The following GINS4 variants were observed in gnomAD, a reference collection of about 807,000 sequenced individuals.
GINS4 encodes the protein DNA replication complex GINS protein SLD5.
Under a neutral mutation model 31.1 loss-of-function variants are expected in GINS4, and 20 were observed. That is an observed-to-expected ratio of 0.64 (90% CI 0.45 to 0.93). The LOEUF (loss-of-function observed/expected upper bound fraction) is 0.93. Ranked by LOEUF, GINS4 falls within the 40% of genes least tolerant of loss-of-function variation. GINS4 has a pLI of 0.00. For missense variants in GINS4, 245 were observed against 273.9 expected (o/e 0.89, Z 0.75); for synonymous variants, 85 against 97.9 (o/e 0.87, Z 0.78).
At position 41,541,832 on chromosome 8, in the gene GINS4, T is replaced by C; in HGVS notation, c.508T>C (p.Tyr170His). The change falls in exon 7 of 8, where the codon TAC becomes CAC. Residue 170 changes from tyrosine (Y) to histidine (H), a missense_variant. Transcript: ENST00000276533. Reference protein sequence around the residue: ...RAVPKPDLDSYVFLRVRERQE... With the variant: ...RAVPKPDLDSHVFLRVRERQE... Reference sequence around the variant, plus strand: ...AGTTCCCAAACCAGATCTAGATTCTTACGTGTTTCTGAGAGTGAGAGAACG... The same window carrying C: ...AGTTCCCAAACCAGATCTAGATTCTCACGTGTTTCTGAGAGTGAGAGAACG... 1 of 1,614,118 alleles carries C rather than the reference T, an allele frequency of 6.2e-7. No individual in the cohort carries two copies. Among genetic ancestry groups the C allele is most frequent in the Non-Finnish European group, 8.5e-7 (1 of 1,179,944 alleles).
At chr8:41,541,721 G>A (rs1209213599) in intron 6 of GINS4, 88 bp from the exon 7 acceptor site, 3 of 966,454 alleles carry the variant, frequency 3.1e-6, no homozygotes, top group Non-Finnish European at 4.9e-6. Context: ...TAAACCCTGA[G>A]TGTGCCATAC....
rs949343404 is a variant in GINS4, at chr8:41,544,112, G to C, written c.*2025G>C. The C allele has an allele frequency of 6.6e-6, 1 of 152,362 alleles. No homozygotes were observed. Among genetic ancestry groups the C allele is most frequent in the Non-Finnish European group, 1.5e-5 (1 of 68,088 alleles). The allele number at this position is 152,362 out of a possible 1,614,324, so 9.4% of individuals were successfully genotyped here. On this transcript the variant is annotated 3_prime_UTR_variant, in exon 8 of 8. Coordinates refer to ENST00000276533, the MANE Select transcript of GINS4 (RefSeq NM_032336.3). Reference sequence around the variant, plus strand: ...GCTGAGATCTGATTAACAGGAGGCAGCTGCAGTGCAGAGGTCAAAAGGGAG... The same window carrying C: ...GCTGAGATCTGATTAACAGGAGGCACCTGCAGTGCAGAGGTCAAAAGGGAG...
Position 41,536,443 on chromosome 8 carries a change from C to T in GINS4, c.180C>T (p.His60=), listed in dbSNP as rs1443169360. The change falls in exon 3 of 8, where the codon CAC becomes CAT. Residue 60 remains histidine (H), a synonymous_variant. Coordinates refer to ENST00000276533, the MANE Select transcript of GINS4 (RefSeq NM_032336.3). ...IVECVMEQLE[H]MEENLRRAKR... is the part of the protein sequence containing the mutation. The stretch of plus-strand genomic sequence containing the variant: ...AATGTGTCATGGAACAGCTGGAGCA[C>T]ATGGTAAGAGTCGCTTGTCTTGGGT... 2 of 1,594,808 alleles carry T rather than the reference C, an allele frequency of 1.3e-6. No individual in the cohort carries two copies. The highest frequency in any genetic ancestry group is 1.1e-5 in the South Asian group (1 of 90,718).
At chr8:41,532,246 A>G (rs1381657823) in intron 2 of GINS4, among the ~76,000 whole-genome samples, 2 of 151,082 alleles carry the variant, frequency 1.3e-5, no homozygotes, top group African/African-American at 2.4e-5. Flanking sequence ...ACAGACTGAT[A>G]CCTCAGAGAA....
In GINS4 at chr8:41,537,407, G is replaced by A. The variant is rs953883070; in HGVS notation, c.297+114G>A. 7 of 671,948 alleles carry A rather than the reference G, an allele frequency of 1.0e-5. No homozygotes were observed. In the African/African-American group the frequency reaches 1.1e-4, roughly 10 times the overall value. The allele number at this position is 671,948 out of a possible 1,614,324, so 41.6% of individuals were successfully genotyped here. On this transcript the variant is annotated intron_variant, in intron 4 of 7. Coordinates refer to ENST00000276533, the MANE Select transcript of GINS4 (RefSeq NM_032336.3). ...GGAGGGTCCAGGACCTGAAGATGCT[G>A]CTAAGAGCCCAATATCCATGTAGCT...
chr8:41,530,150 C>T (rs1806628128), intron 1 of GINS4, 34 bp from the exon 2 acceptor site: 2 of 1,261,854 alleles, frequency 1.6e-6, no homozygotes, highest in Non-Finnish European at 2.3e-6. Context: ...TTAGAAAACG[C>T]ATTGCAGAGT....
chr8:41,530,498 C>A (rs570572616), intron 2 of GINS4, among the ~76,000 whole-genome samples, 200 bp downstream of exon 2: 1 of 152,170 alleles, frequency 6.6e-6, no homozygotes, highest in Admixed American at 6.5e-5. Context: ...CACAGCATCC[C>A]CAAGTGGGGT....
chr8:41,543,089 A>G lies in GINS4; in HGVS notation c.*1002A>G, dbSNP rs993090338. 4 of 152,368 alleles carry G rather than the reference A, an allele frequency of 2.6e-5. No homozygotes were observed. The East Asian group carries it at 7.7e-4, about 29-fold the overall frequency. The allele number at this position is 152,368 out of a possible 1,614,324, so 9.4% of individuals were successfully genotyped here. A position where few individuals can be genotyped will look rare whatever the true frequency, so the allele number is the denominator to read the frequency against. On this transcript the variant is annotated 3_prime_UTR_variant, in exon 8 of 8. Coordinates refer to ENST00000276533, the MANE Select transcript of GINS4 (RefSeq NM_032336.3). ...CTGCTGCGAAGATTGTAAATAGATT[A>G]AAGAAAACAGCTGTGGCCTTCTCCC...
chr8:41,539,670 C>T lies in GINS4; in HGVS notation c.298-8C>T, dbSNP rs746836266. The T allele has an allele frequency of 1.9e-6, 3 of 1,600,432 alleles. No individual in the cohort carries two copies. The highest frequency in any genetic ancestry group is 8.6e-7 in the Non-Finnish European group (1 of 1,168,312). ...TGTTTTCATGAAGATTTTGCTTTAT[C>T]CTCACAGATAGAGAAGTTTTTCCCT... is the stretch of plus-strand genomic sequence containing the variant. On this transcript the variant is annotated splice_region_variant and splice_polypyrimidine_tract_variant and intron_variant, in intron 4 of 7. Coordinates refer to ENST00000276533, the MANE Select transcript of GINS4 (RefSeq NM_032336.3).
At chr8:41,536,195 C>T (rs192126303) in intron 2 of GINS4, among the ~76,000 whole-genome samples, 165 bp from the exon 3 acceptor site, 2 of 152,334 alleles carry the variant, frequency 1.3e-5, no homozygotes, top group Admixed American at 6.5e-5. Context: ...AGAAAGCAAT[C>T]GCTAAACGTA....
intron 4 of GINS4, chr8:41,537,545 C>T (rs13275710): frequency 0.14 from 55,800 of 397,034 alleles, 4,743 homozygotes; most frequent in African/African-American, 0.27. Context: ...GTGAGTGGTT[C>T]CCCCTTGCGT....
intron 4 of GINS4, 65 bp from the exon 5 acceptor site, chr8:41,539,613 T>C: frequency 8.5e-7 from 1 of 1,175,040 alleles, no homozygotes; most frequent in Non-Finnish European, 1.3e-6. Context: ...CCTCTTTATG[T>C]TAACCACATC....
rs1340232904 is a variant in GINS4 at position 41,542,215 on chromosome 8, T to C, written c.*128T>C. 3 of 690,318 alleles carry C rather than the reference T, an allele frequency of 4.3e-6. No individual in the cohort carries two copies. The highest frequency in any genetic ancestry group is 3.5e-5 in the African/African-American group (2 of 56,576). 42.8% of individuals were successfully genotyped at this position (690,318 alleles called of 1,614,324 possible). On this transcript the variant is annotated 3_prime_UTR_variant, in exon 8 of 8. Transcript: ENST00000276533. Reference sequence around the variant, plus strand: ...GACCAACATGGTGAAACCCCATCTTTACTAAAAATACAAAATAATTAGCCG... The same window carrying C: ...GACCAACATGGTGAAACCCCATCTTCACTAAAAATACAAAATAATTAGCCG...
rs534498372 is a variant in GINS4, at chr8:41,535,449, T to G, written c.97-911T>G. Among the ~76,000 whole-genome samples, 40 of 152,316 alleles carry G rather than the reference T, an allele frequency of 2.6e-4. No individual in the cohort carries two copies. The South Asian group carries it at 3.5e-3, about 13-fold the overall frequency. On this transcript the variant is annotated intron_variant, in intron 2 of 7. Coordinates refer to ENST00000276533, the MANE Select transcript of GINS4 (RefSeq NM_032336.3). Reference sequence around the variant, plus strand: ...TTTTCCCATGCATTATGCAGGTTTTTTTTGTTTGTTTGTTTCAGTCTGCAG... The same window carrying G: ...TTTTCCCATGCATTATGCAGGTTTTGTTTGTTTGTTTGTTTCAGTCTGCAG...
At chr8:41,536,234 C>G in intron 2 of GINS4, 126 bp from the exon 3 acceptor site, 1 of 726,468 alleles carries the variant, frequency 1.4e-6, no homozygotes, top group Non-Finnish European at 2.6e-6. Flanking sequence ...TTCAATGTTT[C>G]CAGTTGGTGG....
intron 6 of GINS4, among the ~76,000 whole-genome samples, chr8:41,541,468 C>T (rs1156980324): frequency 6.6e-6 from 1 of 152,146 alleles, no homozygotes; most frequent in African/African-American, 2.4e-5. Flanking sequence ...GCCCTGTTTC[C>T]GAATACAATC....
chr8:41,537,055 T>TA (rs1443875766), intron 3 of GINS4, 125 bp from the exon 4 acceptor site: 2 of 633,772 alleles, frequency 3.2e-6, no homozygotes, highest in Non-Finnish European at 5.7e-6. Context: ...TATACAATGA[T>TA]AAAATGAAAA....
rs556088377 is a variant in GINS4 at position 41,540,019 on chromosome 8, C to T, written c.484+15C>T. The stretch of plus-strand genomic sequence containing the variant: ...CTTTCGGGCAGGTAAACAGGACGTT[C>T]TCCCTGCAGGTGGCCCACCCATCCT... On this transcript the variant is annotated intron_variant, in intron 6 of 7. Transcript: ENST00000276533. The T allele has an allele frequency of 1.3e-6, 2 of 1,594,338 alleles. No individual in the cohort carries two copies. The highest frequency in any genetic ancestry group is 4.5e-5 in the East Asian group (2 of 44,810).
chr8:41,539,811 T>A, intron 5 of GINS4, 36 bp downstream of exon 5: 1 of 1,595,418 alleles, frequency 6.3e-7, no homozygotes, highest in Non-Finnish European at 8.6e-7. Context: ...GGCACCTGGC[T>A]GGTTCAGCAT....
Sources: gnomAD v4.1 joint callset for allele counts (sites outside exome capture counted in the v4.1 genomes callset) on GRCh38, gnomAD v4.1.1 for gene constraint, MANE v1.5 for transcripts, NCBI Gene and HGNC (gene_info 2026-07-23, HGNC 2026-07-21) for gene names.